Variants in GRIK1 observed in about 807,000 individuals in gnomAD.
The protein encoded by GRIK1 is glutamate receptor ionotropic, kainate 1.
GRIK1 carries 69 observed loss-of-function variants against 105.7 expected under a neutral mutation model. The ratio of observed to expected loss-of-function variants is 0.65; its 90% CI spans 0.54 to 0.80. The LOEUF is 0.80. Among genes scored for constraint, GRIK1 ranks in the 30% least tolerant of loss-of-function variants. The pLI, the probability that GRIK1 is intolerant of heterozygous loss-of-function variation, is 0.00. For missense variants in GRIK1, 1,109 were observed against 1,167.3 expected (o/e 0.95, Z 0.73); for synonymous variants, 438 against 431.3 (o/e 1.02, Z -0.19).
intron 1 of GRIK1, among the ~76,000 whole-genome samples, chr21:29,928,879 G>A (rs945425511): frequency 6.6e-6 from 1 of 152,136 alleles, no homozygotes; most frequent in Non-Finnish European, 1.5e-5. Context: ...AGGGAGAAGA[G>A]AGAAAATAGA....
At chr21:29,737,720 T>C (rs1002481934) in intron 1 of GRIK1, among the ~76,000 whole-genome samples, 2 of 152,268 alleles carry the variant, frequency 1.3e-5, no homozygotes, top group Admixed American at 1.3e-4. Flanking sequence ...TACCATTTCA[T>C]GGCAGGTGCC....
chr21:29,898,484 A>T (rs2070260191), intron 1 of GRIK1, among the ~76,000 whole-genome samples: 1 of 152,204 alleles, frequency 6.6e-6, no homozygotes. Context: ...CTGACTAATA[A>T]GCTTGGTCTT....
chr21:29,560,357 TTTTCTTTCTTCCTTCCTTCCTTCCTTC>T (rs2090390246), intron 15 of GRIK1, among the ~76,000 whole-genome samples: 4 of 58,114 alleles, frequency 6.9e-5, no homozygotes, highest in African/African-American at 2.5e-4. Context: ...CTTTCTTTCT[TTTTCTTTCTTCCTTCCTTCCTTCCTTC>T]CTTCCTTCCT....
chr21:29,707,442 C>CCCTCCCTTCCTTCCTTCCTTCCTTCCTT (rs1555875891), intron 1 of GRIK1, among the ~76,000 whole-genome samples: 1 of 3,304 alleles, frequency 3.0e-4, no homozygotes, highest in Non-Finnish European at 1.3e-3. Flanking sequence ...CTCCCTCCCT[C>CCCTCCCTTCCTTCCTTCCTTCCTTCCTT]CCTCCCTCCC....
chr21:29,760,704 C>G lies in GRIK1; in HGVS notation c.119-66641G>C, dbSNP rs370417541. Among the ~76,000 whole-genome samples, 9 of 152,260 alleles carry G rather than the reference C, an allele frequency of 5.9e-5. No homozygotes were observed. The East Asian group carries it at 9.6e-4, about 16-fold the overall frequency. ...GTCATTGAGAGTAATTCTAGTAGGT[C>G]TTGTTTATACACGATCTTGCAGAGG... is the stretch of plus-strand genomic sequence containing the variant. On this transcript the variant is annotated intron_variant, in intron 1 of 17. Coordinates refer to ENST00000327783, the MANE Select transcript of GRIK1 (RefSeq NM_001330994.2).
chr21:29,684,598 C>T (rs1376046473), intron 3 of GRIK1, among the ~76,000 whole-genome samples: 4 of 152,126 alleles, frequency 2.6e-5, no homozygotes, highest in Admixed American at 2.6e-4. Flanking sequence ...AGCTCCGCCT[C>T]CTGGGTTCAT....
Position 29,839,698 on chromosome 21 carries a change from T to C in GRIK1, c.118+99685A>G, listed in dbSNP as rs562899153. On this transcript the variant is annotated intron_variant, in intron 1 of 17. Coordinates refer to ENST00000327783, the MANE Select transcript of GRIK1 (RefSeq NM_001330994.2). The stretch of plus-strand genomic sequence containing the variant: ...TAGTCCCACTTATTTGTTCAGACCA[T>C]ATCTGGAGTAAGACAATACTTTGTG... 2.0e-5 allele frequency among the ~76,000 whole-genome samples: 3 copies of C among 152,238 alleles called. No homozygotes were observed. The South Asian group carries it at 6.2e-4, about 32-fold the overall frequency.
At chr21:29,926,112 A>G (rs1434277306) in intron 1 of GRIK1, among the ~76,000 whole-genome samples, 5 of 152,098 alleles carry the variant, frequency 3.3e-5, no homozygotes, top group Non-Finnish European at 5.9e-5. Flanking sequence ...AGCTAAAAAA[A>G]AAAAAAAAAC....
chr21:29,810,370 G>A (rs896863282), intron 1 of GRIK1, among the ~76,000 whole-genome samples: 3 of 151,754 alleles, frequency 2.0e-5, no homozygotes, highest in East Asian at 1.9e-4. Flanking sequence ...AAGAATTACC[G>A]AAATGTGATA....
chr21:29,671,786 C>A (rs1376696091), intron 4 of GRIK1, among the ~76,000 whole-genome samples: 1 of 152,154 alleles, frequency 6.6e-6, no homozygotes, highest in Non-Finnish European at 1.5e-5. Flanking sequence ...AGATGGCCGG[C>A]AGACCACATA....
chr21:29,780,720 G>A (rs2066072280), intron 1 of GRIK1, among the ~76,000 whole-genome samples: 1 of 152,152 alleles, frequency 6.6e-6, no homozygotes, highest in African/African-American at 2.4e-5. Context: ...ATTAGATATT[G>A]TTCTTAATTG....
intron 14 of GRIK1, among the ~76,000 whole-genome samples, chr21:29,574,831 G>A (rs1246405246): frequency 6.6e-6 from 1 of 151,624 alleles, no homozygotes; most frequent in Non-Finnish European, 1.5e-5. Flanking sequence ...GGGACTACAG[G>A]CGCCCGCCAT....
At chr21:29,559,543 A>G (rs1426479086) in intron 15 of GRIK1, among the ~76,000 whole-genome samples, 3 of 152,196 alleles carry the variant, frequency 2.0e-5, no homozygotes, top group African/African-American at 7.2e-5. Context: ...TTCTAGCCCA[A>G]TCATTCTGCA....
At chr21:29,617,826 C>T (rs1568892687) in intron 7 of GRIK1, among the ~76,000 whole-genome samples, 1 of 152,216 alleles carries the variant, frequency 6.6e-6, no homozygotes, top group Non-Finnish European at 1.5e-5. Flanking sequence ...TTCTGGGCTG[C>T]TATTGTATAG....
At chr21:29,650,444 G>A (rs989435957) in intron 6 of GRIK1, among the ~76,000 whole-genome samples, 6 of 152,162 alleles carry the variant, frequency 3.9e-5, no homozygotes, top group Non-Finnish European at 8.8e-5. Context: ...CAGCACCCAG[G>A]GAGCTTCATT....
chr21:29,641,398 C>A (rs60705227), intron 7 of GRIK1, among the ~76,000 whole-genome samples: 1 of 152,142 alleles, frequency 6.6e-6, no homozygotes, highest in Non-Finnish European at 1.5e-5. Flanking sequence ...TGTAGACATG[C>A]CTTTCACTTT....
At chr21:29,660,770 G>A (rs950384504) in intron 4 of GRIK1, among the ~76,000 whole-genome samples, 1 of 152,160 alleles carries the variant, frequency 6.6e-6, no homozygotes, top group Admixed American at 6.5e-5. Context: ...TCAATATCAG[G>A]ATAAATTCTA....
At chr21:29,922,562 A>T (rs190676965) in intron 1 of GRIK1, among the ~76,000 whole-genome samples, 142 of 152,274 alleles carry the variant, frequency 9.3e-4, no homozygotes, top group African/African-American at 3.2e-3. Flanking sequence ...TCTTAGAAAA[A>T]AATTATGATC....
chr21:29,566,761 A>T (rs913680838), intron 14 of GRIK1, among the ~76,000 whole-genome samples: 1 of 152,212 alleles, frequency 6.6e-6, no homozygotes, highest in African/African-American at 2.4e-5. Context: ...CATATGAAAG[A>T]CGTACCATTA....
Sources: gnomAD v4.1 joint callset for allele counts (sites outside exome capture counted in the v4.1 genomes callset) on GRCh38, gnomAD v4.1.1 for gene constraint, MANE v1.5 for transcripts, NCBI Gene and HGNC (gene_info 2026-07-23, HGNC 2026-07-21) for gene names.